The following PRR13 variants were observed in gnomAD, a reference collection of about 807,000 sequenced individuals.
PRR13 encodes proline-rich protein 13.
In PRR13, 7 loss-of-function variants were observed where a neutral mutation model predicts 11.5. That is an observed-to-expected ratio of 0.61 (90% confidence interval 0.34 to 1.14). The LOEUF is 1.14. PRR13 is among the 50% of genes most tolerant of loss of function. The probability of loss-of-function intolerance (pLI) is 0.03; values close to 1 mark genes in which losing one functional copy is unlikely to be tolerated. For missense variants in PRR13, 155 were observed against 194.4 expected (o/e 0.80, Z 1.21); for synonymous variants, 53 against 67.8 (o/e 0.78, Z 1.07).
At chr12:53,442,376 C>G in intron 1 of PRR13, 1 of 270,798 alleles carries the variant, frequency 3.7e-6, no homozygotes, top group Non-Finnish European at 7.1e-6. Flanking sequence ...TCCCGAATAA[C>G]TGGGATTACA....
chr12:53,443,674 A>G lies in PRR13; in HGVS notation c.303A>G (p.Pro101=), dbSNP rs143408694. The change falls in exon 3 of 4, where the codon CCA becomes CCG. Residue 101 remains proline, a synonymous_variant. Coordinates refer to ENST00000429243, the MANE Select transcript of PRR13 (RefSeq NM_018457.4). ...VNPLAPGMVG[P]AVIVDKKMQK... is the part of the protein sequence containing the mutation. ...CCTTGGCTCCTGGCATGGTTGGACCAGCAGTGATAGTAGACAAGAAGATGC... is the reference window on the plus strand; with the variant it reads ...CCTTGGCTCCTGGCATGGTTGGACCGGCAGTGATAGTAGACAAGAAGATGC... 6 of 1,614,108 alleles carry G rather than the reference A, an allele frequency of 3.7e-6. No individual in the cohort carries two copies. Among genetic ancestry groups the G allele is most frequent in the East Asian group, 4.5e-5 (2 of 44,894 alleles).
chr12:53,446,002 T>C lies in PRR13; in HGVS notation c.403-13T>C, dbSNP rs1940392319. 6.2e-7 allele frequency: 1 copy of C among 1,611,744 alleles called. No homozygotes were observed. The highest frequency in any genetic ancestry group is 2.2e-5 in the East Asian group (1 of 44,834). On this transcript the variant is annotated splice_polypyrimidine_tract_variant and intron_variant, in intron 3 of 3. Transcript: ENST00000429243. ...ATGCTATCTTCTTTCCCCTTTCCCC[T>C]TTCCCCTTGCAGCATTCCTCCTCTT...
intron 3 of PRR13, among the ~76,000 whole-genome samples, chr12:53,444,415 C>T (rs951424450): frequency 6.6e-6 from 1 of 151,732 alleles, no homozygotes; most frequent in Non-Finnish European, 1.5e-5. Flanking sequence ...CTGCAAGCTC[C>T]GCCTCCCAGG....
rs754490693 is a variant in PRR13, at chr12:53,446,108, A to C, written c.*49A>C. The C allele has an allele frequency of 1.2e-6, 2 of 1,610,468 alleles. No homozygotes were observed. Among genetic ancestry groups the C allele is most frequent in the South Asian group, 1.1e-5 (1 of 90,980 alleles). Reference sequence around the variant, plus strand: ...CAAGTCTCACCAGTTCTGCTCTCCCATCAAGCTTCAGATGCCATGTTGTAC... The same window carrying C: ...CAAGTCTCACCAGTTCTGCTCTCCCCTCAAGCTTCAGATGCCATGTTGTAC... On this transcript the variant is annotated 3_prime_UTR_variant, in exon 4 of 4. Coordinates refer to ENST00000429243, the MANE Select transcript of PRR13 (RefSeq NM_018457.4).
At chr12:53,444,536 A>G (rs1215064348) in intron 3 of PRR13, among the ~76,000 whole-genome samples, 1 of 152,166 alleles carries the variant, frequency 6.6e-6, no homozygotes, top group East Asian at 1.9e-4. Flanking sequence ...TCACCGTGTT[A>G]GCCAAGATGG....
intron 3 of PRR13, among the ~76,000 whole-genome samples, chr12:53,445,133 C>T (rs928962483): frequency 6.6e-6 from 1 of 151,948 alleles, no homozygotes; most frequent in South Asian, 2.1e-4. Context: ...GGGCGGATCA[C>T]GAGGTCAGGA....
intron 1 of PRR13, 98 bp from the exon 2 acceptor site, chr12:53,442,597 C>G (rs1002836063): frequency 2.0e-6 from 2 of 1,016,212 alleles, no homozygotes; most frequent in African/African-American, 3.2e-5. Context: ...GTAGGAGAGC[C>G]TACTGTGGGG....
rs1349092712 is a variant in PRR13 at position 53,443,454 on chromosome 12, A to G, written c.83A>G (p.His28Arg). 6.9e-7 allele frequency: 1 copy of G among 1,443,076 alleles called. No homozygotes were observed. Among genetic ancestry groups the G allele is most frequent in the Non-Finnish European group, 9.1e-7 (1 of 1,094,122 alleles). The allele number at this position is 1,443,076 out of a possible 1,614,324, so 89.4% of individuals were successfully genotyped here. A position where few individuals can be genotyped will look rare whatever the true frequency, so the allele number is the denominator to read the frequency against. Residue 28 changes from histidine to arginine, a missense_variant, in exon 3 of 4, where the codon CAC becomes CGC. His to Arg is a conservative substitution (Grantham distance 29). Transcript: ENST00000429243. The part of the protein sequence containing the change: ...IGCPGGSNPA[H>R]PPPINPPFPP... ...TGCCCTGGAGGTTCCAATCCTGCCC[A>G]CCCACCACCTATTAATCCACCCTTT...
rs2136993000 is a variant in PRR13 at position 53,446,226 on chromosome 12, A to C, written c.*167A>C. On this transcript the variant is annotated 3_prime_UTR_variant, in exon 4 of 4. Transcript: ENST00000429243. ...CTGAGTGGCTAGGGGAAATGGGAAG[A>C]GGATTGCCATGGCCTGGCCATCTTG... 3 of 1,282,670 alleles carry C rather than the reference A, an allele frequency of 2.3e-6. No individual in the cohort carries two copies. The Admixed American group carries it at 7.7e-5, about 33-fold the overall frequency. The allele number at this position is 1,282,670 out of a possible 1,614,324, so 79.5% of individuals were successfully genotyped here. A position where few individuals can be genotyped will look rare whatever the true frequency, so the allele number is the denominator to read the frequency against.
At chr12:53,441,905 G>C in intron 1 of PRR13, 113 bp downstream of exon 1, 1 of 693,112 alleles carries the variant, frequency 1.4e-6, no homozygotes, top group South Asian at 1.5e-5. Flanking sequence ...TTTGGAGGAA[G>C]GGGGCTGTGT....
Position 53,443,538 on chromosome 12 carries a change from C to T in PRR13, c.167C>T (p.Pro56Leu), listed in dbSNP as rs926380331. ...CCCCATGGCAATCCAGCTTTCCCCC[C>T]AGGTGGGCCCCCTCATCCTGTGCCA... ...GAPHGNPAFP[P>L]GGPPHPVPQP... The change falls in exon 3 of 4, where the codon CCA (proline) becomes CTA (leucine). Residue 56 changes from proline to leucine, a missense_variant. By Grantham distance (98) the Pro-to-Leu change is moderately conservative. Coordinates refer to ENST00000429243, the MANE Select transcript of PRR13 (RefSeq NM_018457.4). The T allele has an allele frequency of 1.3e-6, 2 of 1,566,840 alleles. No individual in the cohort carries two copies. Among genetic ancestry groups the T allele is most frequent in the African/African-American group, 2.7e-5 (2 of 73,420 alleles).
At position 53,442,148 on chromosome 12, in the gene PRR13, C is replaced by T. The variant is rs186123625; in HGVS notation, c.-21+356C>T. On this transcript the variant is annotated intron_variant, in intron 1 of 3. Coordinates refer to ENST00000429243, the MANE Select transcript of PRR13 (RefSeq NM_018457.4). ...CTGCCTACTTCCGAAGAGTTAGACG[C>T]TTCCACCTGGGTGGAGGGGCCCTGG... 394 of 356,004 alleles carry T rather than the reference C, an allele frequency of 1.1e-3. 1 individual carries two copies. The highest frequency in any genetic ancestry group is 1.6e-3 in the Non-Finnish European group (307 of 196,906). The allele number at this position is 356,004 out of a possible 1,614,324, so 22.1% of individuals were successfully genotyped here.
intron 3 of PRR13, among the ~76,000 whole-genome samples, chr12:53,444,895 T>TCAAA (rs755050784): frequency 1.6e-4 from 24 of 151,556 alleles, no homozygotes; most frequent in Non-Finnish European, 3.2e-4. Flanking sequence ...AGACTCCATC[T>TCAAA]CAAACAAACA....
intron 2 of PRR13, 57 bp downstream of exon 2, chr12:53,442,790 C>T (rs1028448086): frequency 1.3e-6 from 2 of 1,555,748 alleles, no homozygotes; most frequent in African/African-American, 1.4e-5. Flanking sequence ...GGCTCTATAA[C>T]AGGAAGTTTC....
chr12:53,443,921 A>C (rs1940348775), intron 3 of PRR13, 148 bp downstream of exon 3: 1 of 978,372 alleles, frequency 1.0e-6, no homozygotes, highest in Admixed American at 2.9e-5. Context: ...TTTTTATAAA[A>C]GATTGCTACT....
In PRR13 at chr12:53,442,689, C is replaced by T. The variant is rs760282830; in HGVS notation, c.-20-6C>T. The T allele has an allele frequency of 3.1e-6, 5 of 1,606,054 alleles. No homozygotes were observed. The highest frequency in any genetic ancestry group is 2.2e-5 in the South Asian group (2 of 90,898). On this transcript the variant is annotated splice_region_variant and splice_polypyrimidine_tract_variant and intron_variant, in intron 1 of 3. Transcript: ENST00000429243. ...CATCTTTTTTGCCTCATTTCTTTCTCCTCAGGCTGGAGGACACACCTAAAC... is the reference window on the plus strand; with the variant it reads ...CATCTTTTTTGCCTCATTTCTTTCTTCTCAGGCTGGAGGACACACCTAAAC...
At chr12:53,445,408 G>A (rs1197816883) in intron 3 of PRR13, among the ~76,000 whole-genome samples, 2 of 151,322 alleles carry the variant, frequency 1.3e-5, no homozygotes, top group African/African-American at 4.9e-5. Context: ...GTGGGGAAAA[G>A]CGGGAGAAAT....
At position 53,441,760 on chromosome 12, in the gene PRR13, G is replaced by C; in HGVS notation, c.-53G>C. On this transcript the variant is annotated 5_prime_UTR_variant, in exon 1 of 4. Coordinates refer to ENST00000429243, the MANE Select transcript of PRR13 (RefSeq NM_018457.4). ...ACTAGGAAGAGCCGAGACTGCGAAG[G>C]AGAACGCAGCAAGCCCAGGCGGCGG... The C allele has an allele frequency of 2.8e-6, 2 of 702,174 alleles. No homozygotes were observed. The highest frequency in any genetic ancestry group is 2.3e-4 in the Middle Eastern group (1 of 4,282). 43.5% of individuals were successfully genotyped at this position (702,174 alleles called of 1,614,324 possible).
intron 3 of PRR13, among the ~76,000 whole-genome samples, chr12:53,445,112 G>T (rs1374206914): frequency 6.6e-6 from 1 of 152,124 alleles, no homozygotes; most frequent in South Asian, 2.1e-4. Flanking sequence ...AGCACTTTGG[G>T]ATTCCGGGGC....
Sources: gnomAD v4.1 joint callset for allele counts (sites outside exome capture counted in the v4.1 genomes callset) on GRCh38, gnomAD v4.1.1 for gene constraint, MANE v1.5 for transcripts, NCBI Gene and HGNC (gene_info 2026-07-23, HGNC 2026-07-21) for gene names.